The following STARD3NL variants were observed in gnomAD, a reference collection of about 807,000 sequenced individuals.
STARD3NL encodes the protein STARD3 N-terminal-like protein.
A neutral mutation model predicts 30.9 loss-of-function variants in STARD3NL; 17 were observed. That is an observed-to-expected ratio of 0.55 (90% CI 0.38 to 0.82). STARD3NL has a LOEUF of 0.82. Ranked by LOEUF, STARD3NL falls within the 40% of genes least tolerant of loss-of-function variation. STARD3NL has a pLI of 0.00. For missense variants in STARD3NL, 234 were observed against 277.6 expected, an observed-to-expected ratio of 0.84 and a Z score of 1.12; for synonymous variants, 112 against 100.5, an observed-to-expected ratio of 1.11 and a Z score of -0.69.
chr7:38,203,846 A>C (rs1785307330), intron 1 of STARD3NL, among the ~76,000 whole-genome samples: 1 of 152,256 alleles, frequency 6.6e-6, no homozygotes, highest in Admixed American at 6.5e-5. Context: ...CTCATAAAAC[A>C]GACTTTAAAC....
At chr7:38,195,187 G>A (rs756214708) in intron 1 of STARD3NL, among the ~76,000 whole-genome samples, 15 of 152,058 alleles carry the variant, frequency 9.9e-5, no homozygotes, top group South Asian at 4.1e-4. Flanking sequence ...CTCCTGAGTC[G>A]CTGGGAGTAC....
At chr7:38,202,657 T>C (rs1354649505) in intron 1 of STARD3NL, among the ~76,000 whole-genome samples, 1 of 151,984 alleles carries the variant, frequency 6.6e-6, no homozygotes, top group Non-Finnish European at 1.5e-5. Context: ...ATGTGCCATG[T>C]TGGTGTGCTG....
At chr7:38,223,058 C>T (rs1380296642) in intron 7 of STARD3NL, among the ~76,000 whole-genome samples, 4 of 152,076 alleles carry the variant, frequency 2.6e-5, no homozygotes, top group African/African-American at 9.7e-5. Flanking sequence ...AAAGGCCTGA[C>T]GTGCCTTTTT....
intron 8 of STARD3NL, 53 bp downstream of exon 8, chr7:38,228,924 C>T: frequency 2.2e-5 from 29 of 1,301,964 alleles, no homozygotes; most frequent in Non-Finnish European, 3.1e-5. Flanking sequence ...ATGGAGATTT[C>T]CTTTGAGTAG....
intron 2 of STARD3NL, among the ~76,000 whole-genome samples, chr7:38,209,181 C>G (rs989115134): frequency 2.0e-5 from 3 of 151,964 alleles, no homozygotes. Context: ...ATGTGTTCCA[C>G]ATATGCACAT....
At chr7:38,213,040 A>G (rs1031411139) in intron 2 of STARD3NL, among the ~76,000 whole-genome samples, 50 of 152,322 alleles carry the variant, frequency 3.3e-4, no homozygotes, top group African/African-American at 1.1e-3. Context: ...GAGAAAAGCT[A>G]TGGGCTATTT....
chr7:38,217,094 T>C lies in STARD3NL; in HGVS notation c.435+16T>C. 6.2e-7 allele frequency: 1 copy of C among 1,614,044 alleles called. No homozygotes were observed. The highest frequency in any genetic ancestry group is 8.5e-7 in the Non-Finnish European group (1 of 1,179,946). On this transcript the variant is annotated intron_variant, in intron 5 of 8. Transcript: ENST00000009041. Reference sequence around the variant, plus strand: ...CCTTTCGAAGGTATGGCCTACCACTTTTTCTATACAGTTACCATCTTCAGT... The same window carrying C: ...CCTTTCGAAGGTATGGCCTACCACTCTTTCTATACAGTTACCATCTTCAGT...
At chr7:38,185,205 T>A (rs1382723666) in intron 1 of STARD3NL, among the ~76,000 whole-genome samples, 1 of 152,208 alleles carries the variant, frequency 6.6e-6, no homozygotes, top group Non-Finnish European at 1.5e-5. Context: ...ATTTTCTTTA[T>A]GACTGCCTAA....
chr7:38,201,689 T>C (rs548098432), intron 1 of STARD3NL: 1 of 148,704 alleles, frequency 6.7e-6, no homozygotes, highest in Non-Finnish European at 1.5e-5. Flanking sequence ...ATTTCTTTTT[T>C]TTTGTTTGTT....
At chr7:38,185,483 A>G (rs754071983) in intron 1 of STARD3NL, among the ~76,000 whole-genome samples, 1 of 152,142 alleles carries the variant, frequency 6.6e-6, no homozygotes, top group South Asian at 2.1e-4. Context: ...ATTTTGTGAC[A>G]TGGGGAGTTG....
At chr7:38,229,181 A>G (rs959451946) in intron 8 of STARD3NL, among the ~76,000 whole-genome samples, 1 of 152,248 alleles carries the variant, frequency 6.6e-6, no homozygotes, top group African/African-American at 2.4e-5. Context: ...GACAGGTACT[A>G]ATCTATGTTA....
intron 7 of STARD3NL, among the ~76,000 whole-genome samples, chr7:38,222,200 A>G (rs1583829146): frequency 1.3e-5 from 2 of 149,662 alleles, no homozygotes; most frequent in Non-Finnish European, 3.0e-5. Context: ...GGTAAAAGGG[A>G]TTCCAGACAG....
rs749936550 is a variant in STARD3NL, at chr7:38,215,019, T to C, written c.304-9T>C. ...TTTTTAAAACATCCCTTTATTTTCT[T>C]ACTTTCAGCTTCTGGCAGTTTTTCG... is the stretch of plus-strand genomic sequence containing the variant. On this transcript the variant is annotated splice_polypyrimidine_tract_variant and intron_variant, in intron 3 of 8. Transcript: ENST00000009041. The C allele has an allele frequency of 9.3e-6, 15 of 1,613,084 alleles. No homozygotes were observed. Among genetic ancestry groups the C allele is most frequent in the Non-Finnish European group, 1.2e-5 (14 of 1,179,272 alleles).
chr7:38,204,738 G>C (rs1785362305), intron 1 of STARD3NL, among the ~76,000 whole-genome samples: 2 of 151,994 alleles, frequency 1.3e-5, no homozygotes, highest in Non-Finnish European at 1.5e-5. Flanking sequence ...TAGACCGCTA[G>C]CAAGACTAAT....
At chr7:38,189,152 G>A (rs966305864) in intron 1 of STARD3NL, among the ~76,000 whole-genome samples, 2 of 152,028 alleles carry the variant, frequency 1.3e-5, no homozygotes, top group African/African-American at 4.8e-5. Flanking sequence ...TGGGAAAAGG[G>A]CAGAACACAA....
intron 1 of STARD3NL, among the ~76,000 whole-genome samples, chr7:38,200,155 T>C (rs1785108183): frequency 6.6e-6 from 1 of 152,216 alleles, no homozygotes; most frequent in South Asian, 2.1e-4. Flanking sequence ...GTTAACTCAC[T>C]GTCAGGAGGA....
At chr7:38,223,163 A>G (rs985604040) in intron 7 of STARD3NL, among the ~76,000 whole-genome samples, 1 of 152,338 alleles carries the variant, frequency 6.6e-6, no homozygotes. Flanking sequence ...GGAAAGAAAT[A>G]GGAGGCACCA....
At position 38,214,353 on chromosome 7, in the gene STARD3NL, C is replaced by T. The variant is rs1440565987; in HGVS notation, c.226-4C>T. 6.3e-7 allele frequency: 1 copy of T among 1,593,618 alleles called. No homozygotes were observed. The highest frequency in any genetic ancestry group is 1.3e-5 in the African/African-American group (1 of 74,112). ...TTGTTTTTGCTTCTTACTCTCCTTT[C>T]TAGGTGAATGGAGGCATTGAGAACA... is the stretch of plus-strand genomic sequence containing the variant. On this transcript the variant is annotated splice_polypyrimidine_tract_variant and splice_region_variant and intron_variant, in intron 2 of 8. Coordinates refer to ENST00000009041, the MANE Select transcript of STARD3NL (RefSeq NM_032016.4).
intron 1 of STARD3NL, among the ~76,000 whole-genome samples, chr7:38,183,857 C>T (rs1244886918): frequency 6.6e-6 from 1 of 152,186 alleles, no homozygotes; most frequent in African/African-American, 2.4e-5. Flanking sequence ...CAATTCCCTG[C>T]ATATAATATA....
Sources: gnomAD v4.1 joint callset for allele counts (sites outside exome capture counted in the v4.1 genomes callset) on GRCh38, gnomAD v4.1.1 for gene constraint, MANE v1.5 for transcripts, NCBI Gene and HGNC (gene_info 2026-07-23, HGNC 2026-07-21) for gene names.